RABGAP1L: variants seen among roughly 807,000 people sequenced by gnomAD.
RABGAP1L encodes the protein RAB GTPase activating protein 1 like.
In RABGAP1L, 63 loss-of-function variants were observed where a neutral mutation model predicts 137.7. That is an observed-to-expected ratio of 0.46 (90% CI 0.37 to 0.56). The LOEUF is 0.56. Ranked by LOEUF, RABGAP1L falls within the 20% of genes least tolerant of loss-of-function variation. RABGAP1L has a pLI of 0.00. For synonymous variants in RABGAP1L, 431 were observed against 433.7 expected (o/e 0.99, Z 0.08); for missense variants, 1,095 against 1,244.0 (o/e 0.88, Z 1.80).
chr1:174,162,872 A>G (rs1465423340), intron 1 of RABGAP1L, among the ~76,000 whole-genome samples: 1 of 119,924 alleles, frequency 8.3e-6, no homozygotes, highest in African/African-American at 3.3e-5. Context: ...TACATGTGCC[A>G]TGCTGGGAAT....
At chr1:174,728,093 A>G (rs1226038539) in intron 17 of RABGAP1L, among the ~76,000 whole-genome samples, 1 of 152,192 alleles carries the variant, frequency 6.6e-6, no homozygotes, top group African/African-American at 2.4e-5. Flanking sequence ...TATATTCAAA[A>G]CCCAGTTATT....
chr1:174,185,007 G>C (rs16846744), intron 1 of RABGAP1L, among the ~76,000 whole-genome samples: 9,206 of 152,182 alleles, frequency 0.06, 973 homozygotes, highest in African/African-American at 0.21. Context: ...CAAGGTTGGG[G>C]TACAGTTGTG....
At chr1:174,618,332 A>T (rs986452172) in intron 13 of RABGAP1L, among the ~76,000 whole-genome samples, 1 of 152,158 alleles carries the variant, frequency 6.6e-6, no homozygotes, top group African/African-American at 2.4e-5. Context: ...CTGAGAATGG[A>T]CAGACTGCCT....
intron 19 of RABGAP1L, among the ~76,000 whole-genome samples, chr1:174,854,210 T>C (rs961512849): frequency 6.6e-6 from 1 of 152,224 alleles, no homozygotes; most frequent in Non-Finnish European, 1.5e-5. Flanking sequence ...CACTTAAATA[T>C]GAAAATCTCA....
intron 21 of RABGAP1L, among the ~76,000 whole-genome samples, chr1:174,974,331 G>A (rs1670462535): frequency 6.6e-6 from 1 of 152,124 alleles, no homozygotes; most frequent in Admixed American, 6.5e-5. Context: ...CTATCTGTCA[G>A]AGACTTTGGG....
chr1:174,647,498 T>C (rs1299847475), intron 14 of RABGAP1L, among the ~76,000 whole-genome samples: 6 of 152,058 alleles, frequency 3.9e-5, no homozygotes, highest in Admixed American at 3.9e-4. Context: ...TGTTTATGTG[T>C]TGGATTACAT....
intron 17 of RABGAP1L, among the ~76,000 whole-genome samples, chr1:174,703,630 G>GTA (rs1351854647): frequency 6.6e-6 from 1 of 152,106 alleles, no homozygotes; most frequent in Non-Finnish European, 1.5e-5. Flanking sequence ...GGATTGAATG[G>GTA]TAGTTCTATT....
At position 174,219,535 on chromosome 1, in the gene RABGAP1L, A is replaced by AT. The variant is rs562735500; in HGVS notation, c.138+246dup. ...TAAAAGAAGAAAAAGAAGAGAAAGG[A>AT]TTTTTTGGTGAATTAGACATAATGG... On this transcript the variant is annotated intron_variant, in intron 2 of 25. Transcript: ENST00000681986. 4.1e-3 allele frequency among the ~76,000 whole-genome samples: 599 copies of AT among 146,344 alleles called. 4 individuals carry two copies. Among genetic ancestry groups the AT allele is most frequent in the African/African-American group, 0.013 (515 of 40,846 alleles).
chr1:174,215,457 C>CAAAAAA (rs776126975), intron 1 of RABGAP1L, among the ~76,000 whole-genome samples: 2 of 121,650 alleles, frequency 1.6e-5, no homozygotes, highest in Non-Finnish European at 3.4e-5. Flanking sequence ...AACTCCATCT[C>CAAAAAA]AAAAAAAAAA....
intron 19 of RABGAP1L, among the ~76,000 whole-genome samples, chr1:174,932,942 T>C (rs1664086900): frequency 6.6e-6 from 1 of 152,178 alleles, no homozygotes; most frequent in South Asian, 2.1e-4. Context: ...TTTCTCCAAG[T>C]AGCCCTGGTT....
intron 9 of RABGAP1L, 77 bp from the exon 10 acceptor site, chr1:174,278,536 C>T: frequency 3.5e-6 from 4 of 1,153,160 alleles, no homozygotes; most frequent in Non-Finnish European, 3.8e-6. Flanking sequence ...TTAATTCTTT[C>T]ATAAGTGAGG....
chr1:174,163,754 AG>A (rs1217714368), intron 1 of RABGAP1L, among the ~76,000 whole-genome samples: 6 of 152,234 alleles, frequency 3.9e-5, no homozygotes, highest in Admixed American at 6.5e-5. Flanking sequence ...CTTAAATAAG[AG>A]GAAAATAAGA....
At chr1:174,797,478 TGGG>T (rs1049997085) in intron 18 of RABGAP1L, among the ~76,000 whole-genome samples, 21 of 135,200 alleles carry the variant, frequency 1.6e-4, no homozygotes, top group African/African-American at 3.4e-4. Context: ...TGCGTGGTGT[TGGG>T]GGGGTGTGTG....
chr1:174,370,108 A>G (rs1180338585), intron 11 of RABGAP1L, among the ~76,000 whole-genome samples: 1 of 152,140 alleles, frequency 6.6e-6, no homozygotes, highest in East Asian at 1.9e-4. Context: ...CTAAATGCCA[A>G]TCCCTCTTAT....
intron 11 of RABGAP1L, among the ~76,000 whole-genome samples, chr1:174,328,153 TA>T (rs1680715841): frequency 6.6e-6 from 1 of 151,096 alleles, no homozygotes; most frequent in Non-Finnish European, 1.5e-5. Context: ...GACAGAAAAT[TA>T]ACATAGAAAA....
chr1:174,322,323 G>T lies in RABGAP1L; in HGVS notation c.1465+17196G>T, dbSNP rs368449426. Among the ~76,000 whole-genome samples, 3 of 152,232 alleles carry T rather than the reference G, an allele frequency of 2.0e-5. No homozygotes were observed. In the East Asian group the frequency reaches 5.8e-4, roughly 29 times the overall value. On this transcript the variant is annotated intron_variant, in intron 11 of 25. Coordinates refer to ENST00000681986, the MANE Select transcript of RABGAP1L (RefSeq NM_001366446.1). ...AAACATTTATTTTATGGTTTCTGCA[G>T]GTTAGGAATTAAGGAGTGGCTTGTC...
chr1:174,428,859 C>T (rs976914114), intron 13 of RABGAP1L, among the ~76,000 whole-genome samples: 7 of 152,250 alleles, frequency 4.6e-5, no homozygotes, highest in Admixed American at 6.5e-5. Flanking sequence ...TAGAAGCAAA[C>T]TATAAAATCA....
chr1:174,542,805 A>T (rs917334087), intron 13 of RABGAP1L, among the ~76,000 whole-genome samples: 3 of 152,048 alleles, frequency 2.0e-5, no homozygotes, highest in South Asian at 2.1e-4. Flanking sequence ...CTTTGTTCTC[A>T]TTGGTTTCAA....
intron 14 of RABGAP1L, among the ~76,000 whole-genome samples, chr1:174,659,236 C>CAAAAAAAAAA (rs11333708): frequency 8.0e-6 from 1 of 124,564 alleles, no homozygotes. Flanking sequence ...TTTACTTTAC[C>CAAAAAAAAAA]AAAAAAAAAA....
Sources: gnomAD v4.1 joint callset for allele counts (sites outside exome capture counted in the v4.1 genomes callset) on GRCh38, gnomAD v4.1.1 for gene constraint, MANE v1.5 for transcripts, NCBI Gene and HGNC (gene_info 2026-07-23, HGNC 2026-07-21) for gene names.